The following ZFR2 variants were observed in gnomAD, a reference collection of about 807,000 sequenced individuals.
ZFR2 encodes zinc finger RNA-binding protein 2.
In ZFR2, 104 loss-of-function variants were observed where a neutral mutation model predicts 105.7. The observed-to-expected ratio is 0.98, with a 90% CI of 0.84 to 1.16. The LOEUF is 1.16. Ranked by LOEUF, ZFR2 falls within the 50% of genes most tolerant of loss-of-function variation. The pLI, the probability that ZFR2 is intolerant of heterozygous loss-of-function variation, is 0.00. For missense variants in ZFR2, 1,425 were observed against 1,355.5 expected, an observed-to-expected ratio of 1.05 and a Z score of -0.80; for synonymous variants, 634 against 597.7, an observed-to-expected ratio of 1.06 and a Z score of -0.89.
rs887123312 is a variant in ZFR2, at chr19:3,823,764, G to C, written c.1214-361C>G. Reference sequence around the variant, plus strand: ...CCGTTAGGCGAAATGATGGAGCCTCGGGGGGAGACAAATATCTTTGTTATA... The same window carrying C: ...CCGTTAGGCGAAATGATGGAGCCTCCGGGGGAGACAAATATCTTTGTTATA... On this transcript the variant is annotated intron_variant, in intron 7 of 18. Coordinates refer to ENST00000262961, the MANE Select transcript of ZFR2 (RefSeq NM_015174.2). This position sits in a 1 kb window ranked among gnomAD's most constrained non-coding sequence, Gnocchi z 5.4. Among the ~76,000 whole-genome samples, 1 of 152,132 alleles carries C rather than the reference G, an allele frequency of 6.6e-6. No homozygotes were observed. The highest frequency in any genetic ancestry group is 2.4e-5 in the African/African-American group (1 of 41,436).
intron 3 of ZFR2, among the ~76,000 whole-genome samples, chr19:3,832,742 C>T (rs1371641386): frequency 6.6e-6 from 1 of 151,758 alleles, no homozygotes; most frequent in Non-Finnish European, 1.5e-5. Context: ...CTCAGGCGAA[C>T]CTCCTACCTC....
intron 1 of ZFR2, chr19:3,852,316 G>C (rs2038248329): frequency 3.2e-6 from 2 of 621,656 alleles, no homozygotes; most frequent in East Asian, 5.5e-5. Flanking sequence ...TGGCAATCCT[G>C]GTGGAGGTGG....
At position 3,806,116 on chromosome 19, in the gene ZFR2, G is replaced by T; in HGVS notation, c.2653C>A (p.Arg885=). The T allele has an allele frequency of 6.9e-7, 1 of 1,458,090 alleles. No individual in the cohort carries two copies. Among genetic ancestry groups the T allele is most frequent in the Non-Finnish European group, 9.1e-7 (1 of 1,104,804 alleles). The allele number at this position is 1,458,090 out of a possible 1,614,324, so 90.3% of individuals were successfully genotyped here. The change falls in exon 19 of 19, where the codon CGA becomes AGA. Residue 885 remains arginine, a synonymous_variant. Transcript: ENST00000262961. ...DVTASAQHAL[R]MLAFRQTHKV... is the part of the protein sequence containing the mutation. The stretch of plus-strand genomic sequence containing the variant: ...TGGGTCTGCCGGAAGGCCAGCATTC[G>T]CAGGGCGTGCTGCGGGGCACACACA...
rs1483618970 is a variant in ZFR2, at chr19:3,858,390, C to CACTG, written c.53+10571_53+10574dup. Among the ~76,000 whole-genome samples the CACTG allele has an allele frequency of 6.6e-6, 1 of 152,182 alleles. No homozygotes were observed. Among genetic ancestry groups the CACTG allele is most frequent in the Non-Finnish European group, 1.5e-5 (1 of 68,042 alleles). On this transcript the variant is annotated intron_variant, in intron 1 of 18. Coordinates refer to ENST00000262961, the MANE Select transcript of ZFR2 (RefSeq NM_015174.2). This position sits in a 1 kb window ranked among gnomAD's most constrained non-coding sequence, Gnocchi z 4.3. ...GCATATAATGCTAATTTCTGCTGAA[C>CACTG]ACTGCATTGAATAACTCAATGGGAA...
chr19:3,815,262 G>T (rs2145138631), intron 13 of ZFR2, among the ~76,000 whole-genome samples: 1 of 151,974 alleles, frequency 6.6e-6, no homozygotes, highest in East Asian at 1.9e-4. Context: ...GCTAATTTTT[G>T]TATTTTTAGT....
intron 14 of ZFR2, among the ~76,000 whole-genome samples, chr19:3,812,026 C>T (rs1311211452): frequency 6.6e-6 from 1 of 152,188 alleles, no homozygotes; most frequent in African/African-American, 2.4e-5. Flanking sequence ...TCACTGCAAC[C>T]TCCGCCTCTC....
chr19:3,821,722 T>C (rs2037895850), intron 9 of ZFR2, among the ~76,000 whole-genome samples: 1 of 149,056 alleles, frequency 6.7e-6, no homozygotes, highest in African/African-American at 2.5e-5. Context: ...CAAGCGATTC[T>C]CCTGCCTCAG....
intron 6 of ZFR2, among the ~76,000 whole-genome samples, chr19:3,826,437 CTTTT>C (rs897841204): frequency 2.7e-5 from 4 of 147,844 alleles, no homozygotes; most frequent in African/African-American, 5.0e-5. Context: ...ACCCAGGCCT[CTTTT>C]TTTTTTCTTT....
chr19:3,845,518 A>G lies in ZFR2; in HGVS notation c.54-10535T>C, dbSNP rs117153629. ...AAGGTAAAACTGCAACATGGTCCCT[A>G]CAAGGTCACACTTTTGTAATCCCAG... On this transcript the variant is annotated intron_variant, in intron 1 of 18. Transcript: ENST00000262961. Among the ~76,000 whole-genome samples, 1,161 of 151,626 alleles carry G rather than the reference A, an allele frequency of 7.7e-3. 14 individuals are homozygous for G. The highest frequency in any genetic ancestry group is 0.024 in the African/African-American group (978 of 41,338).
At position 3,820,290 on chromosome 19, in the gene ZFR2, C is replaced by T. The variant is rs2037875770; in HGVS notation, c.1632G>A (p.Arg544=). 2 of 1,543,576 alleles carry T rather than the reference C, an allele frequency of 1.3e-6. No individual in the cohort carries two copies. The highest frequency in any genetic ancestry group is 1.4e-5 in the African/African-American group (1 of 72,862). The change falls in exon 11 of 19, where the codon AGG becomes AGA. Residue 544 remains arginine (R), a splice_region_variant and synonymous_variant. Coordinates refer to ENST00000262961, the MANE Select transcript of ZFR2 (RefSeq NM_015174.2). Reference sequence around the variant, plus strand: ...CCTGGGGTGGCTCCTCCTCCAGCCGCCTGCAGGACCGAGACGTGACAGAGC... The same window carrying T: ...CCTGGGGTGGCTCCTCCTCCAGCCGTCTGCAGGACCGAGACGTGACAGAGC... ...EQLRRWHAER[R]RLEEEPPQDV... is the part of the protein sequence containing the mutation.
chr19:3,808,046 C>T (rs766374568), intron 17 of ZFR2, among the ~76,000 whole-genome samples: 5 of 118,334 alleles, frequency 4.2e-5, no homozygotes, highest in Non-Finnish European at 5.1e-5. Context: ...CTTGTGTGCC[C>T]GTGCGTGTGC....
intron 15 of ZFR2, among the ~76,000 whole-genome samples, 160 bp from the exon 16 acceptor site, chr19:3,811,005 G>A (rs1344788521): frequency 2.6e-5 from 4 of 152,190 alleles, no homozygotes; most frequent in Admixed American, 6.5e-5. Context: ...ACATGAGCCC[G>A]GTGCCACCAG....
Position 3,805,838 on chromosome 19 carries a change from CA to C in ZFR2, c.*110del. ...TAAAGGAAACCTACAGAGCGTTACTCAAAAGGAAATGACCATTGTCCAACGT... is the reference window on the plus strand; with the variant it reads ...TAAAGGAAACCTACAGAGCGTTACTCAAAGGAAATGACCATTGTCCAACGT... On this transcript the variant is annotated 3_prime_UTR_variant, in exon 19 of 19. Transcript: ENST00000262961. 3 of 1,278,426 alleles carry C rather than the reference CA, an allele frequency of 2.3e-6. No homozygotes were observed. The highest frequency in any genetic ancestry group is 2.9e-5 in the East Asian group (1 of 34,326). The allele number at this position is 1,278,426 out of a possible 1,614,324, so 79.2% of individuals were successfully genotyped here. A position where few individuals can be genotyped will look rare whatever the true frequency, so the allele number is the denominator to read the frequency against.
At chr19:3,854,973 T>C (rs1365340659) in intron 1 of ZFR2, among the ~76,000 whole-genome samples, 5 of 152,196 alleles carry the variant, frequency 3.3e-5, no homozygotes, top group African/African-American at 1.2e-4. Context: ...TTGCCCAGGC[T>C]GGTCTTGAAC....
intron 1 of ZFR2, among the ~76,000 whole-genome samples, chr19:3,854,918 C>T (rs1342245604): frequency 6.6e-6 from 1 of 152,172 alleles, no homozygotes; most frequent in Non-Finnish European, 1.5e-5. Flanking sequence ...CACCACCACA[C>T]CCAGATAATT....
In ZFR2 at chr19:3,834,560, C is replaced by T. The variant is rs1397495453; in HGVS notation, c.264+213G>A. Among the ~76,000 whole-genome samples, 2 of 152,162 alleles carry T rather than the reference C, an allele frequency of 1.3e-5. No homozygotes were observed. Among genetic ancestry groups the T allele is most frequent in the South Asian group, 2.1e-4 (1 of 4,824 alleles). On this transcript the variant is annotated intron_variant, in intron 2 of 18. Coordinates refer to ENST00000262961, the MANE Select transcript of ZFR2 (RefSeq NM_015174.2). The surrounding 1 kb of genome is among the most constrained non-coding windows in gnomAD (Gnocchi z 5.3). Reference sequence around the variant, plus strand: ...CTGCCCCGACGTGGAGGTACGCATGCGGCCTGTCCCCGAGAGCAGTGGATT... The same window carrying T: ...CTGCCCCGACGTGGAGGTACGCATGTGGCCTGTCCCCGAGAGCAGTGGATT...
At chr19:3,831,595 T>G in intron 4 of ZFR2, 39 bp from the exon 5 acceptor site, 2 of 1,534,862 alleles carry the variant, frequency 1.3e-6, no homozygotes, top group Non-Finnish European at 8.8e-7. Context: ...GGGGAGATGC[T>G]GATTCCACTG....
At chr19:3,811,240 CT>C in intron 15 of ZFR2, 31 bp downstream of exon 15, 1 of 1,524,468 alleles carries the variant, frequency 6.6e-7, no homozygotes, top group Non-Finnish European at 8.8e-7. Context: ...AAAGTCACCC[CT>C]CTCCCCCTGC....
intron 1 of ZFR2, among the ~76,000 whole-genome samples, chr19:3,846,520 G>A (rs1023182752): frequency 6.6e-6 from 1 of 152,180 alleles, no homozygotes; most frequent in African/African-American, 2.4e-5. Context: ...TAGACATATG[G>A]TAGGCAGGCT....
Sources: gnomAD v4.1 joint callset for allele counts (sites outside exome capture counted in the v4.1 genomes callset) on GRCh38, gnomAD v4.1.1 for gene constraint, Gnocchi (gnomAD v3.1) non-coding constraint, MANE v1.5 for transcripts, NCBI Gene and HGNC (gene_info 2026-07-23, HGNC 2026-07-21) for gene names.